Variants in PARVA observed in about 807,000 individuals in gnomAD.
The protein encoded by PARVA is parvin alpha.
PARVA carries 25 observed loss-of-function variants against 52.6 expected under a neutral mutation model. The ratio of observed to expected loss-of-function variants is 0.48; its 90% CI spans 0.35 to 0.66. PARVA has a LOEUF of 0.66. Among genes scored for constraint, PARVA ranks in the 30% least tolerant of loss-of-function variants. The pLI is 0.01. For synonymous variants in PARVA, 185 were observed against 179.1 expected (o/e 1.03, Z -0.26); for missense variants, 373 against 450.9 (o/e 0.83, Z 1.56).
At chr11:12,504,780 T>TGTGTGTGG (rs1445812137) in intron 6 of PARVA, among the ~76,000 whole-genome samples, 1 of 151,130 alleles carries the variant, frequency 6.6e-6, no homozygotes, top group Non-Finnish European at 1.5e-5. Flanking sequence ...TGTGGGTGTG[T>TGTGTGTGG]GTGTGTGTGT....
intron 1 of PARVA, among the ~76,000 whole-genome samples, chr11:12,458,458 G>A (rs1025746180): frequency 1.3e-5 from 2 of 152,204 alleles, no homozygotes; most frequent in African/African-American, 4.8e-5. Context: ...TTTTTGCATG[G>A]CATTGGCCTA....
chr11:12,395,307 A>G (rs1050097673), intron 1 of PARVA, among the ~76,000 whole-genome samples: 1 of 152,152 alleles, frequency 6.6e-6, no homozygotes, highest in Admixed American at 6.5e-5. Flanking sequence ...TAGTCCCCGG[A>G]TAGTAAACTA....
At chr11:12,510,784 A>G (rs529743889) in intron 7 of PARVA, among the ~76,000 whole-genome samples, 8 of 152,276 alleles carry the variant, frequency 5.3e-5, no homozygotes, top group South Asian at 4.1e-4. Flanking sequence ...CCATGATTCA[A>G]TTACCTCCCC....
intron 1 of PARVA, among the ~76,000 whole-genome samples, chr11:12,413,880 A>G (rs1940027148): frequency 6.6e-6 from 1 of 152,262 alleles, no homozygotes; most frequent in Admixed American, 6.5e-5. Context: ...GTTTGTAACC[A>G]GAGAACAAAG....
chr11:12,493,902 A>G (rs1473557303), intron 4 of PARVA, among the ~76,000 whole-genome samples: 1 of 152,218 alleles, frequency 6.6e-6, no homozygotes, highest in Non-Finnish European at 1.5e-5. Context: ...TCACAGGTTA[A>G]GGGCTCAGTG....
At chr11:12,479,251 G>T (rs1037594669) in intron 4 of PARVA, 2 of 151,798 alleles carry the variant, frequency 1.3e-5, no homozygotes, top group African/African-American at 2.4e-5. Flanking sequence ...CTGATCTCTA[G>T]AATTAATCAA....
At chr11:12,394,045 A>C (rs1939701115) in intron 1 of PARVA, among the ~76,000 whole-genome samples, 1 of 152,268 alleles carries the variant, frequency 6.6e-6, no homozygotes, top group African/African-American at 2.4e-5. Flanking sequence ...GCCCTATGCC[A>C]GGCACTGTTC....
intron 4 of PARVA, chr11:12,478,180 T>C (rs976787417): frequency 1.6e-6 from 1 of 614,028 alleles, no homozygotes; most frequent in Admixed American, 2.2e-5. Flanking sequence ...CTGCTCCTTC[T>C]AGCAGCCAAG....
chr11:12,525,080 G>C (rs1407462211), intron 12 of PARVA, among the ~76,000 whole-genome samples: 1 of 152,216 alleles, frequency 6.6e-6, no homozygotes, highest in African/African-American at 2.4e-5. Context: ...CCCATGGGGA[G>C]GGTAGTGAAA....
intron 1 of PARVA, among the ~76,000 whole-genome samples, chr11:12,415,713 A>G (rs1256782850): frequency 6.6e-6 from 1 of 152,260 alleles, no homozygotes; most frequent in Non-Finnish European, 1.5e-5. Flanking sequence ...CAGCATTAAC[A>G]TGAGCAGTCA....
intron 1 of PARVA, among the ~76,000 whole-genome samples, chr11:12,412,926 A>G (rs1363816658): frequency 6.6e-6 from 1 of 152,244 alleles, no homozygotes; most frequent in Non-Finnish European, 1.5e-5. Flanking sequence ...GAATTCTATA[A>G]GAAGAGGGGA....
At chr11:12,395,019 A>G (rs1211663860) in intron 1 of PARVA, among the ~76,000 whole-genome samples, 1 of 147,742 alleles carries the variant, frequency 6.8e-6, no homozygotes, top group African/African-American at 2.5e-5. Flanking sequence ...TGAACCCGGG[A>G]GGTGGAGGTT....
chr11:12,409,260 A>T (rs1939958473), intron 1 of PARVA, among the ~76,000 whole-genome samples: 1 of 152,204 alleles, frequency 6.6e-6, no homozygotes, highest in Non-Finnish European at 1.5e-5. Flanking sequence ...GCTTCAGAAG[A>T]GGTAATTATT....
At chr11:12,409,103 A>G (rs564990580) in intron 1 of PARVA, among the ~76,000 whole-genome samples, 33 of 152,334 alleles carry the variant, frequency 2.2e-4, no homozygotes, top group African/African-American at 7.9e-4. Flanking sequence ...GAATTTTCCT[A>G]AGGACATATG....
rs1941744686 is a variant in PARVA, at chr11:12,529,390, C to G, written c.*1465C>G. 6.6e-6 allele frequency: 1 copy of G among 152,164 alleles called. No homozygotes were observed. Among genetic ancestry groups the G allele is most frequent in the Non-Finnish European group, 1.5e-5 (1 of 68,032 alleles). 9.4% of individuals were successfully genotyped at this position (152,164 alleles called of 1,614,324 possible). ...GGAAAATATTTGCACTCTAAACATA[C>G]AGAGATAGAGGTGGGGCTTGTGGTA... On this transcript the variant is annotated 3_prime_UTR_variant, in exon 13 of 13. Coordinates refer to ENST00000334956, the MANE Select transcript of PARVA (RefSeq NM_018222.5).
intron 1 of PARVA, among the ~76,000 whole-genome samples, chr11:12,462,644 A>G (rs1268210401): frequency 6.6e-6 from 1 of 152,238 alleles, no homozygotes; most frequent in East Asian, 1.9e-4. Context: ...ACAGCAATAG[A>G]GAACTAATAC....
intron 1 of PARVA, among the ~76,000 whole-genome samples, chr11:12,408,321 G>T (rs1400887046): frequency 6.6e-6 from 1 of 152,180 alleles, no homozygotes; most frequent in Non-Finnish European, 1.5e-5. Context: ...TTCCTGGTTT[G>T]TGGTGAGCAC....
At chr11:12,447,374 G>GGT (rs1940561973) in intron 1 of PARVA, among the ~76,000 whole-genome samples, 1 of 152,144 alleles carries the variant, frequency 6.6e-6, no homozygotes, top group African/African-American at 2.4e-5. Context: ...CATCAGGGCT[G>GGT]GTGTGTAACT....
At chr11:12,527,078 C>A (rs1941712671) in intron 12 of PARVA, among the ~76,000 whole-genome samples, 2 of 152,242 alleles carry the variant, frequency 1.3e-5, no homozygotes, top group Admixed American at 6.5e-5. Context: ...CAGCCCCATA[C>A]ACCCCAACCT....
Sources: gnomAD v4.1 joint callset for allele counts (sites outside exome capture counted in the v4.1 genomes callset) on GRCh38, gnomAD v4.1.1 for gene constraint, MANE v1.5 for transcripts, NCBI Gene and HGNC (gene_info 2026-07-23, HGNC 2026-07-21) for gene names.